SUGCT: variants seen among roughly 807,000 people sequenced by gnomAD.
SUGCT encodes the protein succinyl-CoA:glutarate-CoA transferase.
Under a neutral mutation model 55.0 loss-of-function variants are expected in SUGCT, and 41 were observed. The ratio of observed to expected loss-of-function variants is 0.74; its 90% CI spans 0.58 to 0.97. The LOEUF (loss-of-function observed/expected upper bound fraction) is 0.97, where lower values mean the gene tolerates loss of function less well. SUGCT is among the 50% of genes least tolerant of loss of function. SUGCT has a pLI of 0.00. For missense variants in SUGCT, 568 were observed against 547.8 expected (o/e 1.04, Z -0.37); for synonymous variants, 187 against 200.4 (o/e 0.93, Z 0.56).
At chr7:40,315,924 G>A (rs1334809862) in intron 8 of SUGCT, among the ~76,000 whole-genome samples, 1 of 152,108 alleles carries the variant, frequency 6.6e-6, no homozygotes, top group Non-Finnish European at 1.5e-5. Context: ...TAAGATCCTT[G>A]TGGCAGATCA....
chr7:40,407,726 T>TC lies in SUGCT; in HGVS notation c.817-41554dup, dbSNP rs903191317. On this transcript the variant is annotated intron_variant, in intron 9 of 13. Coordinates refer to ENST00000335693, the MANE Select transcript of SUGCT (RefSeq NM_001193313.2). The stretch of plus-strand genomic sequence containing the variant: ...GCTTTTCTTAGGAATGAATTAAGAG[T>TC]CCCCCCCTCCCCCAATTTACGAATT... 6.2e-4 allele frequency among the ~76,000 whole-genome samples: 93 copies of TC among 151,154 alleles called. 1 individual carries two copies. The highest frequency in any genetic ancestry group is 2.0e-3 in the African/African-American group (84 of 41,186).
chr7:40,801,751 G>A (rs527410267), intron 13 of SUGCT, among the ~76,000 whole-genome samples: 1 of 152,076 alleles, frequency 6.6e-6, no homozygotes, highest in East Asian at 1.9e-4. Context: ...TATATACCTT[G>A]GACATAGGAA....
At chr7:40,144,245 A>T (rs1295252552) in intron 1 of SUGCT, among the ~76,000 whole-genome samples, 2 of 152,244 alleles carry the variant, frequency 1.3e-5, no homozygotes, top group African/African-American at 4.8e-5. Flanking sequence ...CACAGGGTAT[A>T]ACAAGGCAAG....
At chr7:40,668,759 A>G (rs1424845303) in intron 12 of SUGCT, among the ~76,000 whole-genome samples, 2 of 152,176 alleles carry the variant, frequency 1.3e-5, no homozygotes, top group Non-Finnish European at 2.9e-5. Flanking sequence ...AGCTCCAAGA[A>G]CACCAAAAGA....
chr7:40,465,002 T>C (rs1462973969), intron 11 of SUGCT, among the ~76,000 whole-genome samples: 1 of 152,240 alleles, frequency 6.6e-6, no homozygotes, highest in African/African-American at 2.4e-5. Flanking sequence ...ATGTTACATA[T>C]GTAAAGCAAG....
chr7:40,859,514 C>G (rs890675811), intron 13 of SUGCT, among the ~76,000 whole-genome samples: 3 of 152,172 alleles, frequency 2.0e-5, no homozygotes, highest in Non-Finnish European at 2.9e-5. Flanking sequence ...GCCCGGCACC[C>G]CTTTTCCCCT....
intron 12 of SUGCT, among the ~76,000 whole-genome samples, chr7:40,517,854 G>T (rs4723968): frequency 0.092 from 13,974 of 152,026 alleles, 686 homozygotes; most frequent in Middle Eastern, 0.11. Flanking sequence ...CATCCCGGTA[G>T]ATCTTAAATC....
At chr7:40,420,629 G>A (rs1787257083) in intron 9 of SUGCT, among the ~76,000 whole-genome samples, 1 of 152,108 alleles carries the variant, frequency 6.6e-6, no homozygotes, top group Admixed American at 6.5e-5. Context: ...ATGAGCCACC[G>A]TGCCTGGCCA....
Position 40,598,062 on chromosome 7 carries a change from A to T in SUGCT, c.1089+101676A>T, listed in dbSNP as rs569487078. 8.5e-5 allele frequency among the ~76,000 whole-genome samples: 13 copies of T among 152,310 alleles called. No individual in the cohort carries two copies. The East Asian group carries it at 2.5e-3, about 29-fold the overall frequency. ...TCCATCTCTGTCACATAGTGTACCC[A>T]TGGCTTCTCACAGACAAGTGGATTC... On this transcript the variant is annotated intron_variant, in intron 12 of 13. Coordinates refer to ENST00000335693, the MANE Select transcript of SUGCT (RefSeq NM_001193313.2).
At chr7:40,548,186 C>CTTTTTTTTTTT (rs1186226631) in intron 12 of SUGCT, among the ~76,000 whole-genome samples, 16 of 104,988 alleles carry the variant, frequency 1.5e-4, no homozygotes, top group African/African-American at 4.2e-4. Context: ...TTCTTTCTTT[C>CTTTTTTTTTTT]TTTTTTTTTT....
intron 12 of SUGCT, among the ~76,000 whole-genome samples, chr7:40,711,128 T>A (rs537132675): frequency 6.6e-6 from 1 of 152,320 alleles, no homozygotes; most frequent in South Asian, 2.1e-4. Flanking sequence ...CCAACGGGTG[T>A]GAGAAACTCA....
chr7:41,032,893 A>G, the SUGCT span, among the ~76,000 whole-genome samples: 1 of 152,186 alleles, frequency 6.6e-6, no homozygotes. Flanking sequence ...CCTCCTGAGT[A>G]GCTGGGACTA....
At chr7:40,805,883 T>C (rs1039013489) in intron 13 of SUGCT, among the ~76,000 whole-genome samples, 2 of 152,152 alleles carry the variant, frequency 1.3e-5, no homozygotes, top group Admixed American at 6.5e-5. Flanking sequence ...AATCATTTGT[T>C]TGTGTGTATG....
At chr7:40,739,729 A>G (rs1787368214) in intron 12 of SUGCT, among the ~76,000 whole-genome samples, 1 of 151,160 alleles carries the variant, frequency 6.6e-6, no homozygotes, top group African/African-American at 2.4e-5. Context: ...GTGTGGATCT[A>G]TTTCTGAGTT....
intron 9 of SUGCT, among the ~76,000 whole-genome samples, chr7:40,439,910 G>A (rs990860593): frequency 1.3e-5 from 2 of 152,106 alleles, no homozygotes; most frequent in Non-Finnish European, 2.9e-5. Flanking sequence ...CATGACACCA[G>A]ACACCTCTTG....
intron 12 of SUGCT, among the ~76,000 whole-genome samples, chr7:40,653,811 C>T (rs1374937131): frequency 6.6e-6 from 1 of 152,126 alleles, no homozygotes; most frequent in African/African-American, 2.4e-5. Flanking sequence ...TATTAAGTAG[C>T]AGAAAAATAG....
intron 12 of SUGCT, among the ~76,000 whole-genome samples, chr7:40,661,029 A>G (rs1355623872): frequency 6.6e-6 from 1 of 152,186 alleles, no homozygotes; most frequent in Non-Finnish European, 1.5e-5. Flanking sequence ...TGTCAGTGAA[A>G]AAACATGCAA....
chr7:40,458,347 T>C (rs533721055), intron 10 of SUGCT, among the ~76,000 whole-genome samples: 1 of 152,308 alleles, frequency 6.6e-6, no homozygotes, highest in East Asian at 1.9e-4. Context: ...GTACTTTCAT[T>C]ATGGTCTTGT....
At chr7:40,633,344 TA>T (rs1480470902) in intron 12 of SUGCT, among the ~76,000 whole-genome samples, 1 of 152,198 alleles carries the variant, frequency 6.6e-6, no homozygotes, top group Non-Finnish European at 1.5e-5. Flanking sequence ...ATTTTTTAAG[TA>T]AAATAAACAT....
Sources: allele counts gnomAD v4.1 joint callset (sites outside exome capture counted in the v4.1 genomes callset), GRCh38; gene constraint gnomAD v4.1.1; transcripts MANE v1.5; gene names NCBI Gene and HGNC (gene_info 2026-07-23, HGNC 2026-07-21).